Variants in PRKCB observed in about 807,000 individuals in gnomAD.
PRKCB encodes protein kinase C beta type.
PRKCB carries 13 observed loss-of-function variants against 81.5 expected under a neutral mutation model. That is an observed-to-expected ratio of 0.16 (90% confidence interval 0.10 to 0.25). PRKCB has a LOEUF of 0.25. PRKCB is among the 10% of genes least tolerant of loss of function. PRKCB has a pLI of 1.00. For missense variants in PRKCB, 509 were observed against 875.7 expected (o/e 0.58, Z 5.29); for synonymous variants, 335 against 321.4 (o/e 1.04, Z -0.45).
chr16:23,881,977 T>C (rs1209078684), intron 2 of PRKCB, among the ~76,000 whole-genome samples: 26 of 22,556 alleles, frequency 1.2e-3, no homozygotes, highest in Non-Finnish European at 7.1e-4. Flanking sequence ...TTTCTTTCTT[T>C]CTTTCTTTCT....
chr16:24,176,391 C>T (rs1167210334), intron 12 of PRKCB, among the ~76,000 whole-genome samples: 5 of 151,960 alleles, frequency 3.3e-5, no homozygotes, highest in Non-Finnish European at 4.4e-5. Context: ...CCAGCCTGGG[C>T]AACAGAGCAA....
intron 2 of PRKCB, among the ~76,000 whole-genome samples, chr16:23,958,173 G>GT (rs752655566): frequency 6.6e-5 from 10 of 152,174 alleles, no homozygotes; most frequent in Non-Finnish European, 1.3e-4. Context: ...TGTATTTTTA[G>GT]TAGAGACAGG....
intron 3 of PRKCB, among the ~76,000 whole-genome samples, chr16:24,009,452 T>C (rs1965171968): frequency 6.8e-6 from 1 of 147,326 alleles, no homozygotes; most frequent in Non-Finnish European, 1.5e-5. Context: ...TGAGATGGAG[T>C]CTTGCTCTGT....
chr16:23,951,083 G>T (rs1425253088), intron 2 of PRKCB, among the ~76,000 whole-genome samples: 1 of 152,218 alleles, frequency 6.6e-6, no homozygotes, highest in Non-Finnish European at 1.5e-5. Context: ...GCTCAGATAT[G>T]CGGCATTACT....
intron 10 of PRKCB, among the ~76,000 whole-genome samples, chr16:24,157,304 A>G (rs1596573622): frequency 6.6e-6 from 1 of 152,112 alleles, no homozygotes; most frequent in South Asian, 2.1e-4. Flanking sequence ...CTCATCTTGA[A>G]TTGTAGTTCC....
At chr16:24,118,522 G>A (rs995218531) in intron 8 of PRKCB, among the ~76,000 whole-genome samples, 3 of 152,192 alleles carry the variant, frequency 2.0e-5, no homozygotes, top group Non-Finnish European at 2.9e-5. Flanking sequence ...GTAGTTCCTT[G>A]TAGGGGTGGA....
intron 16 of PRKCB, among the ~76,000 whole-genome samples, chr16:24,193,849 C>G (rs527811347): frequency 6.6e-6 from 1 of 152,142 alleles, no homozygotes; most frequent in Non-Finnish European, 1.5e-5. Flanking sequence ...TGGCCTGCCC[C>G]GCAGGATGCA....
At chr16:24,157,601 A>G (rs1967180862) in intron 10 of PRKCB, among the ~76,000 whole-genome samples, 1 of 150,434 alleles carries the variant, frequency 6.6e-6, no homozygotes, top group South Asian at 2.1e-4. Flanking sequence ...CATCTCAGGT[A>G]TGTCTAATGG....
chr16:24,188,582 T>C (rs1317453979), intron 15 of PRKCB, among the ~76,000 whole-genome samples: 1 of 152,044 alleles, frequency 6.6e-6, no homozygotes, highest in Non-Finnish European at 1.5e-5. Context: ...AAAGGCCCGA[T>C]TTTCTACTAA....
At chr16:24,208,676 A>G (rs1968085121) in intron 16 of PRKCB, among the ~76,000 whole-genome samples, 1 of 151,968 alleles carries the variant, frequency 6.6e-6, no homozygotes, top group Non-Finnish European at 1.5e-5. Flanking sequence ...AGGCAGGTGC[A>G]ATCCATGGTG....
intron 16 of PRKCB, among the ~76,000 whole-genome samples, chr16:24,197,171 A>C (rs147671500): frequency 6.6e-6 from 1 of 152,320 alleles, no homozygotes; most frequent in African/African-American, 2.4e-5. Flanking sequence ...TTCTAGGGAG[A>C]GTGGGCAAAA....
chr16:23,847,613 A>G (rs1403989516), intron 2 of PRKCB, among the ~76,000 whole-genome samples: 1 of 144,760 alleles, frequency 6.9e-6, no homozygotes, highest in Non-Finnish European at 1.5e-5. Context: ...TTCATTTAAT[A>G]TATATTTATT....
intron 2 of PRKCB, among the ~76,000 whole-genome samples, chr16:23,878,996 T>G (rs1053843198): frequency 6.6e-6 from 1 of 152,138 alleles, no homozygotes; most frequent in Middle Eastern, 3.4e-3. Flanking sequence ...GCCAACATGG[T>G]GAAACCCCGT....
chr16:23,933,793 TCCATCCATCCATCCAC>T (rs1466180731), intron 2 of PRKCB, among the ~76,000 whole-genome samples: 1 of 147,916 alleles, frequency 6.8e-6, no homozygotes, highest in African/African-American at 2.5e-5. Flanking sequence ...CATCCATCCA[TCCATCCATCCATCCAC>T]CCATCCATCC....
intron 2 of PRKCB, among the ~76,000 whole-genome samples, chr16:23,972,275 A>C (rs560766639): frequency 6.6e-6 from 1 of 152,228 alleles, no homozygotes; most frequent in South Asian, 2.1e-4. Context: ...GTACAGGGAA[A>C]CTTTTTAGGT....
intron 2 of PRKCB, among the ~76,000 whole-genome samples, chr16:23,837,720 G>A (rs1362254292): frequency 6.6e-6 from 1 of 152,082 alleles, no homozygotes; most frequent in African/African-American, 2.4e-5. Flanking sequence ...GTGTTTTCCC[G>A]GGACGTTTCT....
intron 5 of PRKCB, among the ~76,000 whole-genome samples, chr16:24,082,738 G>C (rs1008940307): frequency 2.0e-5 from 3 of 151,682 alleles, no homozygotes; most frequent in African/African-American, 7.3e-5. Flanking sequence ...AAATATAAAG[G>C]TATAAAATTT....
chr16:23,939,330 T>C (rs1375043040), intron 2 of PRKCB, among the ~76,000 whole-genome samples: 2 of 152,244 alleles, frequency 1.3e-5, no homozygotes, highest in Admixed American at 6.5e-5. Context: ...ACAGGTTTAA[T>C]GTGATTCTTA....
chr16:24,130,896 G>A (rs988710863), intron 9 of PRKCB, among the ~76,000 whole-genome samples: 1 of 152,166 alleles, frequency 6.6e-6, no homozygotes, highest in Admixed American at 6.5e-5. Context: ...ATGACACGTC[G>A]TCTCAGCCAC....
Sources: allele counts gnomAD v4.1 joint callset (sites outside exome capture counted in the v4.1 genomes callset), GRCh38; gene constraint gnomAD v4.1.1; transcripts MANE v1.5; gene names NCBI Gene and HGNC (gene_info 2026-07-23, HGNC 2026-07-21).